Variants in MAN2B2 observed in about 807,000 individuals in gnomAD.
MAN2B2 encodes mannosidase alpha class 2B member 2.
Under a neutral mutation model 117.1 loss-of-function variants are expected in MAN2B2, and 106 were observed. The ratio of observed to expected loss-of-function variants is 0.90; its 90% CI spans 0.77 to 1.06. The LOEUF is 1.06. Ranked by LOEUF, MAN2B2 falls within the 50% of genes least tolerant of loss-of-function variation. The pLI is 0.00. For missense variants in MAN2B2, 1,326 were observed against 1,381.4 expected (o/e 0.96, Z 0.64); for synonymous variants, 544 against 595.1 (o/e 0.91, Z 1.25).
chr4:6,607,559 A>C (rs751224761), intron 11 of MAN2B2, among the ~76,000 whole-genome samples: 3 of 152,244 alleles, frequency 2.0e-5, no homozygotes, highest in African/African-American at 4.8e-5. Context: ...ACGTATCAGT[A>C]CTTCGTTCCT....
At chr4:6,605,832 C>A (rs1180187187) in intron 11 of MAN2B2, among the ~76,000 whole-genome samples, 1 of 152,036 alleles carries the variant, frequency 6.6e-6, no homozygotes, top group African/African-American at 2.4e-5. Flanking sequence ...ATCTACCTAC[C>A]CACCCATTCA....
chr4:6,577,536 G>A (rs778480552), intron 2 of MAN2B2, among the ~76,000 whole-genome samples: 1 of 152,230 alleles, frequency 6.6e-6, no homozygotes, highest in Admixed American at 6.5e-5. Context: ...ACTTGATGCT[G>A]CCAGATAGTG....
chr4:6,620,144 T>C, intron 18 of MAN2B2, 100 bp downstream of exon 18: 1 of 976,830 alleles, frequency 1.0e-6, no homozygotes. Context: ...TGTCCCGGCC[T>C]GTGCGACCTT....
rs56063851 is a variant in MAN2B2 at position 6,617,847 on chromosome 4, G to GTTTTT, written c.2814+368_2814+372dup. 1.2e-3 allele frequency: 190 copies of GTTTTT among 163,228 alleles called. 1 individual carries two copies. The highest frequency in any genetic ancestry group is 3.0e-3 in the South Asian group (30 of 9,890). The allele number at this position is 163,228 out of a possible 1,614,324, so 10.1% of individuals were successfully genotyped here. The stretch of plus-strand genomic sequence containing the variant: ...AGGGGCGCGCCACCACGATGGCTAA[G>GTTTTT]TTTTTTTTTTTTTTTTTGAGACCGA... On this transcript the variant is annotated intron_variant, in intron 17 of 18. Coordinates refer to ENST00000285599, the MANE Select transcript of MAN2B2 (RefSeq NM_015274.3).
In MAN2B2 at chr4:6,622,455, C is replaced by T. The variant is rs1712217461; in HGVS notation, c.*1170C>T. The T allele has an allele frequency of 6.8e-6, 1 of 147,118 alleles. No homozygotes were observed. 9.1% of individuals were successfully genotyped at this position (147,118 alleles called of 1,614,324 possible). A position where few individuals can be genotyped will look rare whatever the true frequency, so the allele number is the denominator to read the frequency against. ...ATTTTAAAACTTTTTTTTTTTTTTC[C>T]CGAGACAGAGTCTCACTCTGTCGCC... On this transcript the variant is annotated 3_prime_UTR_variant, in exon 19 of 19. Transcript: ENST00000285599.
At chr4:6,601,104 G>A (rs1727311962) in intron 10 of MAN2B2, among the ~76,000 whole-genome samples, 1 of 152,192 alleles carries the variant, frequency 6.6e-6, no homozygotes, top group Non-Finnish European at 1.5e-5. Context: ...CCTGCTGACT[G>A]AATTCTGGGG....
chr4:6,579,057 C>CCAT (rs1726200384), intron 3 of MAN2B2, among the ~76,000 whole-genome samples: 1 of 88,996 alleles, frequency 1.1e-5, no homozygotes, highest in Non-Finnish European at 2.2e-5. Flanking sequence ...ACCATCACCA[C>CCAT]CACCATCACC....
rs764358496 is a variant in MAN2B2 at position 6,598,202 on chromosome 4, A to C, written c.1253A>C (p.Gln418Pro). ...CCCCTCTGGGGGTTGCTGCAGGTCCAGCACCATGATGCCATCACTGGGACT... is the reference window on the plus strand; with the variant it reads ...CCCCTCTGGGGGTTGCTGCAGGTCCCGCACCATGATGCCATCACTGGGACT... ...QQLRWAVSEV[Q>P]HHDAITGTES... Residue 418 changes from glutamine (Q) to proline (P), a missense_variant, in exon 9 of 19, where the codon CAG becomes CCG. Physicochemically the swap from Gln to Pro is moderately conservative, Grantham distance 76. Transcript: ENST00000285599. The C allele has an allele frequency of 1.2e-6, 2 of 1,613,402 alleles. No homozygotes were observed. The highest frequency in any genetic ancestry group is 1.1e-5 in the South Asian group (1 of 91,080).
chr4:6,595,887 G>T (rs1301800214), intron 7 of MAN2B2, among the ~76,000 whole-genome samples: 1 of 152,222 alleles, frequency 6.6e-6, no homozygotes, highest in East Asian at 1.9e-4. Context: ...TGACCAGTGG[G>T]GCTGCATAGT....
chr4:6,576,685 G>A lies in MAN2B2; in HGVS notation c.246G>A (p.Leu82=). 1 of 1,613,998 alleles carries A rather than the reference G, an allele frequency of 6.2e-7. No homozygotes were observed. The part of the protein sequence containing the change: ...FIAVEQEFFR[L]WWDGVASDQQ... ...CTGTGGAGCAGGAGTTTTTCCGGCT[G>A]TGGTGGGATGGCGTCGCCTCGGACC... The change falls in exon 2 of 19, where the codon CTG becomes CTA. Residue 82 remains leucine (L), a synonymous_variant. Transcript: ENST00000285599.
intron 11 of MAN2B2, among the ~76,000 whole-genome samples, chr4:6,607,054 C>T (rs1727578125): frequency 6.6e-6 from 1 of 152,186 alleles, no homozygotes; most frequent in African/African-American, 2.4e-5. Flanking sequence ...TTTCATTACT[C>T]CAGAAAGAAA....
chr4:6,617,779 C>G, intron 17 of MAN2B2: 1 of 340,394 alleles, frequency 2.9e-6, no homozygotes, highest in South Asian at 3.2e-5. Context: ...CTCCCTGGCT[C>G]AAGTGATCCT....
rs1459349071 is a variant in MAN2B2 at position 6,622,461 on chromosome 4, CAG to C, written c.*1179_*1180del. On this transcript the variant is annotated 3_prime_UTR_variant, in exon 19 of 19. Transcript: ENST00000285599. ...AAACTTTTTTTTTTTTTTCCCGAGA[CAG>C]AGTCTCACTCTGTCGCCCAGGCTGG... 4 of 146,554 alleles carry C rather than the reference CAG, an allele frequency of 2.7e-5. No homozygotes were observed. The highest frequency in any genetic ancestry group is 6.0e-5 in the Non-Finnish European group (4 of 67,178). The allele number at this position is 146,554 out of a possible 1,614,324, so 9.1% of individuals were successfully genotyped here.
In MAN2B2 at chr4:6,605,117, C is replaced by G; in HGVS notation, c.1602C>G (p.Gly534=). The change falls in exon 11 of 19, where the codon GGC becomes GGG. Residue 534 remains glycine, a synonymous_variant. Transcript: ENST00000285599. The part of the protein sequence containing the change: ...YDLLILTTIP[G]LSYRHYNIRP... ...TGCTTATTCTGACCACAATCCCAGGCCTCAGTTACCGGCACTACAACATCA... is the reference window on the plus strand; with the variant it reads ...TGCTTATTCTGACCACAATCCCAGGGCTCAGTTACCGGCACTACAACATCA... 6.2e-7 allele frequency: 1 copy of G among 1,614,088 alleles called. No individual in the cohort carries two copies. The highest frequency in any genetic ancestry group is 8.5e-7 in the Non-Finnish European group (1 of 1,179,930).
At chr4:6,579,362 C>T (rs1452846828) in intron 3 of MAN2B2, among the ~76,000 whole-genome samples, 3 of 111,646 alleles carry the variant, frequency 2.7e-5, no homozygotes, top group Non-Finnish European at 5.8e-5. Context: ...CCACCACCAT[C>T]ACCATCACCA....
At chr4:6,595,174 G>A (rs773641706) in intron 7 of MAN2B2, among the ~76,000 whole-genome samples, 9 of 152,234 alleles carry the variant, frequency 5.9e-5, no homozygotes, top group Non-Finnish European at 1.3e-4. Context: ...CCTCAGGCCA[G>A]AACTGGGTTG....
rs538273681 is a variant in MAN2B2, at chr4:6,575,262, C to T, written c.52C>T (p.Pro18Ser). 9 of 1,550,602 alleles carry T rather than the reference C, an allele frequency of 5.8e-6. No individual in the cohort carries two copies. The South Asian group carries it at 9.4e-5, about 16-fold the overall frequency. The change falls in exon 1 of 19, where the codon CCG (proline) becomes TCG (serine). Residue 18 changes from proline (P) to serine (S), a missense_variant. By Grantham distance (74) the Pro-to-Ser change is moderately conservative (BLOSUM62 -1). Coordinates refer to ENST00000285599, the MANE Select transcript of MAN2B2 (RefSeq NM_015274.3). ...PLLAPLLLLR[P>S]PGVQSAGPIR... ...GCTGGCACCGCTCCTGTTGCTGCGA[C>T]CGCCAGGGGTCCAGTCCGCCGGCCC...
intron 8 of MAN2B2, 30 bp downstream of exon 8, chr4:6,597,333 A>T (rs1330280378): frequency 6.6e-7 from 1 of 1,515,868 alleles, no homozygotes; most frequent in Non-Finnish European, 8.8e-7. Context: ...CAGTGGCAGG[A>T]TTGGAACCTC....
At chr4:6,605,452 C>A in intron 11 of MAN2B2, 123 bp downstream of exon 11, 1 of 1,107,308 alleles carries the variant, frequency 9.0e-7, no homozygotes, top group Non-Finnish European at 1.3e-6. Context: ...TGGTGAAACC[C>A]CTTCCTGCTA....
Sources: gnomAD v4.1 joint callset for allele counts (sites outside exome capture counted in the v4.1 genomes callset) on GRCh38, gnomAD v4.1.1 for gene constraint, MANE v1.5 for transcripts, NCBI Gene and HGNC (gene_info 2026-07-23, HGNC 2026-07-21) for gene names.